LOC128092252: variants seen among roughly 807,000 people sequenced by gnomAD.
chr15:50,650,567 C>T, the LOC128092252 span, among the ~76,000 whole-genome samples: 5 of 151,230 alleles, frequency 3.3e-5, no homozygotes, highest in East Asian at 3.9e-4. Context: ...TGGTGGCGTA[C>T]GCTTGTAGTC....
At chr15:50,674,565 T>G in the LOC128092252 span, among the ~76,000 whole-genome samples, 1 of 152,242 alleles carries the variant, frequency 6.6e-6, no homozygotes, top group African/African-American at 2.4e-5. Context: ...AAAATACAAA[T>G]GATTTGCATA....
the LOC128092252 span, among the ~76,000 whole-genome samples, chr15:50,670,275 C>T: frequency 1.3e-5 from 2 of 152,140 alleles, no homozygotes. Context: ...ACCAGAGTGA[C>T]TCCATCTTGA....
chr15:50,670,810 G>GAAAAAA, the LOC128092252 span, among the ~76,000 whole-genome samples: 1 of 113,512 alleles, frequency 8.8e-6, no homozygotes, highest in Non-Finnish European at 1.9e-5. Flanking sequence ...AAAAGAAAAA[G>GAAAAAA]AAAAAAAAAA....
chr15:50,686,093 T>C, the LOC128092252 span, among the ~76,000 whole-genome samples: 1 of 152,180 alleles, frequency 6.6e-6, no homozygotes, highest in Non-Finnish European at 1.5e-5. Flanking sequence ...CCCTCCCTTT[T>C]TTCCATGTAA....
chr15:50,664,308 C>CAAA, the LOC128092252 span, among the ~76,000 whole-genome samples: 107 of 58,818 alleles, frequency 1.8e-3, no homozygotes, highest in Middle Eastern at 8.3e-3. Flanking sequence ...GACTCCGTCT[C>CAAA]AAAAAAAAAA....
the LOC128092252 span, among the ~76,000 whole-genome samples, chr15:50,657,167 T>C: frequency 4.6e-5 from 7 of 151,910 alleles, no homozygotes; most frequent in Admixed American, 6.6e-5. Context: ...CTACTAAGAA[T>C]ACAAAAATTA....
chr15:50,665,582 A>C, the LOC128092252 span, among the ~76,000 whole-genome samples: 1 of 152,220 alleles, frequency 6.6e-6, no homozygotes, highest in Non-Finnish European at 1.5e-5. Context: ...TCATAATTAA[A>C]AATTTTAAAT....
chr15:50,666,103 A>C, the LOC128092252 span, among the ~76,000 whole-genome samples: 1 of 152,222 alleles, frequency 6.6e-6, no homozygotes, highest in Non-Finnish European at 1.5e-5. Flanking sequence ...AAAGAAAAAA[A>C]TCAGTAAAAC....
chr15:50,670,544 T>C, the LOC128092252 span, among the ~76,000 whole-genome samples: 101 of 152,116 alleles, frequency 6.6e-4, 1 homozygote, highest in South Asian at 4.1e-4. Context: ...ACCAGCACCA[T>C]GACAGTTTAC....
the LOC128092252 span, among the ~76,000 whole-genome samples, chr15:50,661,691 T>C: frequency 6.6e-6 from 1 of 152,206 alleles, no homozygotes; most frequent in East Asian, 1.9e-4. Flanking sequence ...TTTAGCTATG[T>C]TTTTCTAAGA....
the LOC128092252 span, among the ~76,000 whole-genome samples, chr15:50,686,285 A>G: frequency 1.3e-5 from 2 of 152,082 alleles, no homozygotes; most frequent in African/African-American, 4.8e-5. Flanking sequence ...CCTCGCTGGG[A>G]GCCGAGTCTC....
At chr15:50,673,207 C>T in the LOC128092252 span, among the ~76,000 whole-genome samples, 1 of 152,122 alleles carries the variant, frequency 6.6e-6, no homozygotes. Context: ...GAACAACTTC[C>T]AGGTCCACAA....
the LOC128092252 span, among the ~76,000 whole-genome samples, chr15:50,649,142 T>C: frequency 2.0e-5 from 3 of 152,282 alleles, no homozygotes; most frequent in African/African-American, 7.2e-5. Context: ...CATAGGCATA[T>C]AACAGAAATA....
the LOC128092252 span, among the ~76,000 whole-genome samples, chr15:50,670,711 A>G: frequency 6.6e-6 from 1 of 152,052 alleles, no homozygotes; most frequent in African/African-American, 2.4e-5. Flanking sequence ...GTGGGCAACC[A>G]GCAGCCCTCA....
At chr15:50,683,810 T>G in the LOC128092252 span, among the ~76,000 whole-genome samples, 2 of 152,122 alleles carry the variant, frequency 1.3e-5, no homozygotes, top group South Asian at 4.1e-4. Context: ...CTTAATGTAA[T>G]GCAACAGAAA....
At chr15:50,652,166 C>G in the LOC128092252 span, among the ~76,000 whole-genome samples, 1 of 150,884 alleles carries the variant, frequency 6.6e-6, no homozygotes, top group Non-Finnish European at 1.5e-5. Context: ...AATCCTGTCT[C>G]TACTAAAAAT....
At chr15:50,683,353 T>C in the LOC128092252 span, among the ~76,000 whole-genome samples, 2 of 151,528 alleles carry the variant, frequency 1.3e-5, no homozygotes, top group African/African-American at 4.8e-5. Flanking sequence ...CTACAAAAAC[T>C]ACTACATGAA....
At chr15:50,658,929 T>C in the LOC128092252 span, among the ~76,000 whole-genome samples, 1 of 152,208 alleles carries the variant, frequency 6.6e-6, no homozygotes, top group Non-Finnish European at 1.5e-5. Context: ...CCAGGCGCAG[T>C]GGCTCACGCC....
At chr15:50,655,817 C>T in the LOC128092252 span, among the ~76,000 whole-genome samples, 5 of 152,116 alleles carry the variant, frequency 3.3e-5, no homozygotes, top group South Asian at 2.1e-4. Context: ...TGGTGAAACC[C>T]CATCTATACT....
Sources: allele counts gnomAD v4.1 joint callset (sites outside exome capture counted in the v4.1 genomes callset), GRCh38; gene constraint gnomAD v4.1.1; transcripts MANE v1.5.